The following IQSEC1 variants were observed in gnomAD, a reference collection of about 807,000 sequenced individuals.
IQSEC1 encodes the protein IQ motif and SEC7 domain-containing protein 1.
Under a neutral mutation model 91.0 loss-of-function variants are expected in IQSEC1, and 31 were observed. The observed-to-expected ratio is 0.34, with a 90% CI of 0.26 to 0.46. The LOEUF is 0.46. IQSEC1 is among the 20% of genes least tolerant of loss of function. The pLI, the probability that IQSEC1 is intolerant of heterozygous loss-of-function variation, is 1.00. For missense variants in IQSEC1, 1,388 were observed against 1,575.6 expected, an observed-to-expected ratio of 0.88 and a Z score of 2.02; for synonymous variants, 699 against 662.6, an observed-to-expected ratio of 1.05 and a Z score of -0.84.
chr3:13,270,051 G>A (rs1265564141), intron 1 of IQSEC1, among the ~76,000 whole-genome samples: 1 of 152,184 alleles, frequency 6.6e-6, no homozygotes, highest in East Asian at 1.9e-4. Context: ...GGCAGTCTCA[G>A]CTGAGCCCAC....
At chr3:13,053,890 T>G (rs758159832) in intron 1 of IQSEC1, among the ~76,000 whole-genome samples, 16 of 152,230 alleles carry the variant, frequency 1.1e-4, no homozygotes, top group Middle Eastern at 3.2e-3. Context: ...AATAAAATTA[T>G]CCACCATTCC....
chr3:13,112,635 T>C (rs569501839), intron 2 of IQSEC1, among the ~76,000 whole-genome samples: 19 of 152,356 alleles, frequency 1.2e-4, no homozygotes, highest in Middle Eastern at 3.4e-3. Flanking sequence ...GGCAGGAGCC[T>C]CGCACAGACA....
chr3:13,049,549 C>A (rs1704615666), intron 1 of IQSEC1, among the ~76,000 whole-genome samples: 1 of 152,202 alleles, frequency 6.6e-6, no homozygotes, highest in Admixed American at 6.5e-5. Context: ...AGACCCCACA[C>A]ACGGAACACC....
In IQSEC1 at chr3:13,168,688, A is replaced by G. The variant is rs142329857; in HGVS notation, c.273-4555T>C. ...TGCCCTCACACAGCCAAGCTCCCCA[A>G]CACCAGCTCTAGGGCATTGCTGTTC... On this transcript the variant is annotated intron_variant, in intron 1 of 15. Coordinates refer to the IQSEC1 transcript ENST00000648114. Among the ~76,000 whole-genome samples the G allele has an allele frequency of 5.9e-3, 901 of 152,114 alleles. 10 individuals carry two copies. The highest frequency in any genetic ancestry group is 0.021 in the African/African-American group (861 of 41,494).
rs191901491 is a variant in IQSEC1, at chr3:12,898,572, G to A, written c.*2411C>T. On this transcript the variant is annotated 3_prime_UTR_variant, in exon 14 of 14. Transcript: ENST00000613206. ...CTGAAAGCCCCTCCTGGGGTTTTCT[G>A]TCTGTTCCTATTCATTACTGCTACC... is the stretch of plus-strand genomic sequence containing the variant. 4.3e-3 allele frequency: 656 copies of A among 152,278 alleles called. 4 individuals are homozygous for A. Among genetic ancestry groups the A allele is most frequent in the South Asian group, 0.016 (76 of 4,822 alleles). 9.4% of individuals were successfully genotyped at this position (152,278 alleles called of 1,614,324 possible).
chr3:12,919,974 G>T (rs1696467960), intron 6 of IQSEC1, among the ~76,000 whole-genome samples: 1 of 152,244 alleles, frequency 6.6e-6, no homozygotes, highest in Non-Finnish European at 1.5e-5. Flanking sequence ...GCCGCACTGG[G>T]CTAGAACTCA....
At chr3:13,047,459 G>T (rs1035636256) in intron 1 of IQSEC1, 31 of 984,830 alleles carry the variant, frequency 3.1e-5, no homozygotes, top group Admixed American at 1.2e-4. Context: ...GCAGGCTGGG[G>T]TGGACGGCAA....
rs531071394 is a variant in IQSEC1, at chr3:13,064,001, T to C, written c.23+8991A>G. ...ATAATCGTAGATTCATTTGCAGTTG[T>C]AAAAAAAAAAAAAACAAAAAACAAT... On this transcript the variant is annotated intron_variant, in intron 1 of 13. Coordinates refer to ENST00000613206, the MANE Select transcript of IQSEC1 (RefSeq NM_001134382.3). 1.4e-3 allele frequency among the ~76,000 whole-genome samples: 194 copies of C among 134,814 alleles called. 1 individual carries two copies. The highest frequency in any genetic ancestry group is 6.2e-3 in the African/African-American group (179 of 29,096). 88.4% of individuals were successfully genotyped at this position (134,814 alleles called of 152,430 possible). A position where few individuals can be genotyped will look rare whatever the true frequency, so the allele number is the denominator to read the frequency against.
At chr3:13,198,702 G>T (rs1420544464) in intron 1 of IQSEC1, among the ~76,000 whole-genome samples, 2 of 152,222 alleles carry the variant, frequency 1.3e-5, no homozygotes, top group Non-Finnish European at 2.9e-5. Context: ...GTGACCATGG[G>T]CAAGGCACTG....
At chr3:13,236,639 C>A (rs933116771) in intron 1 of IQSEC1, among the ~76,000 whole-genome samples, 1 of 152,210 alleles carries the variant, frequency 6.6e-6, no homozygotes, top group Admixed American at 6.5e-5. Context: ...GCCTGTGACA[C>A]CCCCTGCAGA....
intron 2 of IQSEC1, among the ~76,000 whole-genome samples, chr3:13,122,978 C>T (rs539332405): frequency 6.6e-6 from 1 of 152,282 alleles, no homozygotes; most frequent in East Asian, 1.9e-4. Flanking sequence ...CTGCGCCCTC[C>T]CTGCATGAGG....
In IQSEC1 at chr3:12,906,011, G is replaced by GGCGCCA. The variant is rs1236296481; in HGVS notation, c.2755+2332_2755+2337dup. ...CCAGGCAATGCACTGCAGTGGGGCC[G>GGCGCCA]GCGCCAGCCCCCTTCCCTCTAACTC... is the stretch of plus-strand genomic sequence containing the variant. On this transcript the variant is annotated intron_variant, in intron 12 of 13. Coordinates refer to ENST00000613206, the MANE Select transcript of IQSEC1 (RefSeq NM_001134382.3). 5.3e-5 allele frequency among the ~76,000 whole-genome samples: 8 copies of GGCGCCA among 152,294 alleles called. No individual in the cohort carries two copies. The East Asian group carries it at 1.5e-3, about 29-fold the overall frequency.
rs1421244566 is a variant in IQSEC1 at position 13,211,094 on chromosome 3, G to A, written c.273-46961C>T. Among the ~76,000 whole-genome samples, 1 of 152,234 alleles carries A rather than the reference G, an allele frequency of 6.6e-6. No individual in the cohort carries two copies. The highest frequency in any genetic ancestry group is 2.1e-4 in the South Asian group (1 of 4,832). ...TCTGGCTAGCAGTGCCTGACACACA[G>A]TAGGTGTGCAGTAAAGGTGTGTCGG... On this transcript the variant is annotated intron_variant, in intron 1 of 15. Transcript: ENST00000648114. The surrounding 1 kb of genome is among the most constrained non-coding windows in gnomAD (Gnocchi z 5.3).
chr3:12,954,462 G>C (rs1699770829), intron 1 of IQSEC1, among the ~76,000 whole-genome samples: 1 of 152,204 alleles, frequency 6.6e-6, no homozygotes, highest in African/African-American at 2.4e-5. Flanking sequence ...TGGCAGCACA[G>C]GGCGTCTGAT....
intron 1 of IQSEC1, among the ~76,000 whole-genome samples, chr3:13,218,708 C>T (rs1694595632): frequency 2.6e-5 from 4 of 152,298 alleles, no homozygotes; most frequent in African/African-American, 9.6e-5. Context: ...CGGGGAGACC[C>T]CTGACTGCCA....
intron 1 of IQSEC1, among the ~76,000 whole-genome samples, chr3:13,201,200 C>T (rs1012291674): frequency 6.6e-6 from 1 of 152,192 alleles, no homozygotes. Context: ...CCAGGAAGGA[C>T]GGTGACCGGA....
chr3:13,074,381 C>T (rs1488088359), upstream of IQSEC1, among the ~76,000 whole-genome samples: 4 of 152,080 alleles, frequency 2.6e-5, no homozygotes, highest in African/African-American at 9.7e-5. Flanking sequence ...AGGGGAGAAG[C>T]GCACATCCAT....
intron 1 of IQSEC1, among the ~76,000 whole-genome samples, chr3:12,973,586 A>G (rs1001252395): frequency 2.6e-5 from 4 of 152,070 alleles, no homozygotes; most frequent in African/African-American, 7.2e-5. Flanking sequence ...CCCAACTACA[A>G]TGGTACTTGG....
At chr3:12,904,912 G>C (rs941490139) in intron 12 of IQSEC1, among the ~76,000 whole-genome samples, 2 of 152,180 alleles carry the variant, frequency 1.3e-5, no homozygotes, top group Non-Finnish European at 2.9e-5. Context: ...TGCCCAACTT[G>C]GGTGAACACT....
Sources: gnomAD v4.1 joint callset for allele counts (sites outside exome capture counted in the v4.1 genomes callset) on GRCh38, gnomAD v4.1.1 for gene constraint, Gnocchi (gnomAD v3.1) non-coding constraint, MANE v1.5 for transcripts, NCBI Gene and HGNC (gene_info 2026-07-23, HGNC 2026-07-21) for gene names.